The following TMEM71 variants were observed in gnomAD, a reference collection of about 807,000 sequenced individuals.
TMEM71 encodes the protein transmembrane protein 71.
TMEM71 carries 44 observed loss-of-function variants against 38.0 expected under a neutral mutation model. The ratio of observed to expected loss-of-function variants is 1.16; its 90% CI spans 0.91 to 1.49. The LOEUF (loss-of-function observed/expected upper bound fraction) is 1.49, where lower values mean the gene tolerates loss of function less well. Ranked by LOEUF, TMEM71 falls within the 40% of genes most tolerant of loss-of-function variation. TMEM71 has a pLI of 0.00. For synonymous variants in TMEM71, 133 were observed against 122.5 expected (o/e 1.09, Z -0.56); for missense variants, 367 against 348.6 (o/e 1.05, Z -0.42).
downstream of TMEM71, among the ~76,000 whole-genome samples, chr8:132,706,386 A>G (rs1826094991): frequency 6.6e-6 from 1 of 152,108 alleles, no homozygotes; most frequent in African/African-American, 2.4e-5. Context: ...CATATTTTAA[A>G]ACATCTGTAC....
rs778167869 is a variant in TMEM71, at chr8:132,747,131, G to T, written c.315-17C>A. The T allele has an allele frequency of 6.4e-7, 1 of 1,569,710 alleles. No homozygotes were observed. The highest frequency in any genetic ancestry group is 8.6e-7 in the Non-Finnish European group (1 of 1,159,350). Reference sequence around the variant, plus strand: ...CTAAATATCCTAGAGAGAAATGAAAGCATGGTGAACAACGAATAATAGTTA... The same window carrying T: ...CTAAATATCCTAGAGAGAAATGAAATCATGGTGAACAACGAATAATAGTTA... On this transcript the variant is annotated splice_polypyrimidine_tract_variant and intron_variant, in intron 4 of 9. Transcript: ENST00000677595.
chr8:132,773,547 T>C, the TMEM71 span, among the ~76,000 whole-genome samples: 14 of 152,200 alleles, frequency 9.2e-5, no homozygotes, highest in Non-Finnish European at 5.9e-5. Context: ...TAATAATAGA[T>C]ATTTATTTTT....
chr8:132,754,489 C>T (rs1828896736), intron 3 of TMEM71, among the ~76,000 whole-genome samples: 1 of 152,176 alleles, frequency 6.6e-6, no homozygotes, highest in South Asian at 2.1e-4. Context: ...ATTATTCTCT[C>T]CAAGGTTTAG....
At chr8:132,772,555 C>T in the TMEM71 span, among the ~76,000 whole-genome samples, 7 of 152,168 alleles carry the variant, frequency 4.6e-5, no homozygotes, top group Non-Finnish European at 8.8e-5. Context: ...GAAATGACAT[C>T]CTACCTGAAT....
intron 5 of TMEM71, among the ~76,000 whole-genome samples, chr8:132,732,460 G>T (rs565948844): frequency 6.6e-6 from 1 of 152,146 alleles, no homozygotes; most frequent in Non-Finnish European, 1.5e-5. Context: ...TGTGCATGAG[G>T]TCAGTCCCAG....
chr8:132,710,907 T>C lies in TMEM71; in HGVS notation c.*60A>G, dbSNP rs753333278. 7 of 1,534,878 alleles carry C rather than the reference T, an allele frequency of 4.6e-6. No homozygotes were observed. Among genetic ancestry groups the C allele is most frequent in the Admixed American group, 1.7e-5 (1 of 59,336 alleles). ...CACTTGATTCCAAGTAGACTGCAAG[T>C]TGGACAATTTCCAGATATTCAGATG... On this transcript the variant is annotated 3_prime_UTR_variant, in exon 10 of 10. Coordinates refer to ENST00000677595, the MANE Select transcript of TMEM71 (RefSeq NM_001382403.1).
chr8:132,773,000 G>A, the TMEM71 span, among the ~76,000 whole-genome samples: 1 of 152,190 alleles, frequency 6.6e-6, no homozygotes, highest in Non-Finnish European at 1.5e-5. Context: ...CTTCATTCCT[G>A]TAAAATTTAA....
chr8:132,757,843 A>AT (rs1829116162), intron 2 of TMEM71: 1 of 152,084 alleles, frequency 6.6e-6, no homozygotes, highest in African/African-American at 2.4e-5. Flanking sequence ...AAAAAAAAAA[A>AT]AAAATTTCTT....
chr8:132,723,374 G>A (rs573189402), intron 6 of TMEM71, among the ~76,000 whole-genome samples: 13 of 151,470 alleles, frequency 8.6e-5, no homozygotes, highest in African/African-American at 3.2e-4. Context: ...AAGGATGAAT[G>A]GGTTTAGATT....
rs957141201 is a variant in TMEM71 at position 132,748,560 on chromosome 8, A to T, written c.315-1446T>A. 3.3e-5 allele frequency among the ~76,000 whole-genome samples: 5 copies of T among 152,390 alleles called. No individual in the cohort carries two copies. In the East Asian group the frequency reaches 9.6e-4, roughly 29 times the overall value. On this transcript the variant is annotated intron_variant, in intron 4 of 9. Coordinates refer to ENST00000677595, the MANE Select transcript of TMEM71 (RefSeq NM_001382403.1). The stretch of plus-strand genomic sequence containing the variant: ...CAAGTTGAGAAAAATGGTAGAGTTC[A>T]TGACAATGGAACACATTCTTGTGAA...
At chr8:132,762,666 G>A (rs1333254579), upstream of TMEM71, among the ~76,000 whole-genome samples, 2 of 152,182 alleles carry the variant, frequency 1.3e-5, no homozygotes, top group Non-Finnish European at 2.9e-5. Context: ...TTACAGAAGA[G>A]CAAACTGAGT....
chr8:132,735,099 C>T (rs1254246370), intron 5 of TMEM71, among the ~76,000 whole-genome samples: 1 of 152,204 alleles, frequency 6.6e-6, no homozygotes, highest in Non-Finnish European at 1.5e-5. Context: ...CCATCCTGTT[C>T]AGTCCTCCCT....
At chr8:132,754,801 C>T (rs1400344298) in intron 3 of TMEM71, among the ~76,000 whole-genome samples, 3 of 152,058 alleles carry the variant, frequency 2.0e-5, no homozygotes, top group Non-Finnish European at 1.5e-5. Context: ...GTCCTCAATC[C>T]AAATCATTGA....
intron 5 of TMEM71, among the ~76,000 whole-genome samples, chr8:132,743,293 T>G (rs1828151338): frequency 6.6e-6 from 1 of 152,090 alleles, no homozygotes; most frequent in Non-Finnish European, 1.5e-5. Flanking sequence ...AGGCCATTCC[T>G]TTATTTCCTT....
chr8:132,771,425 C>A, the TMEM71 span, among the ~76,000 whole-genome samples: 1 of 152,038 alleles, frequency 6.6e-6, no homozygotes, highest in Non-Finnish European at 1.5e-5. Flanking sequence ...TATTTTATGA[C>A]CCTTAGTAGC....
chr8:132,775,719 T>A, the TMEM71 span: 1 of 301,786 alleles, frequency 3.3e-6, no homozygotes, highest in Non-Finnish European at 6.0e-6. Flanking sequence ...CCCATTCTGG[T>A]GTCTCTCTTT....
intron 5 of TMEM71, among the ~76,000 whole-genome samples, chr8:132,744,846 A>C (rs940176394): frequency 1.3e-5 from 2 of 152,218 alleles, no homozygotes; most frequent in Non-Finnish European, 2.9e-5. Flanking sequence ...AGACCCACGA[A>C]ATGGAATAGA....
Position 132,710,913 on chromosome 8 carries a change from A to C in TMEM71, c.*54T>G, listed in dbSNP as rs1284700909. 6.4e-7 allele frequency: 1 copy of C among 1,570,240 alleles called. No homozygotes were observed. Among genetic ancestry groups the C allele is most frequent in the Non-Finnish European group, 8.8e-7 (1 of 1,141,562 alleles). On this transcript the variant is annotated 3_prime_UTR_variant, in exon 10 of 10. Transcript: ENST00000677595. ...ATTCCAAGTAGACTGCAAGTTGGAC[A>C]ATTTCCAGATATTCAGATGGAGGAC...
chr8:132,738,970 G>C (rs1371329418), intron 5 of TMEM71, among the ~76,000 whole-genome samples: 2 of 152,006 alleles, frequency 1.3e-5, no homozygotes, highest in African/African-American at 2.4e-5. Flanking sequence ...TGTATAAGTA[G>C]TTATCAGTGG....
Sources: gnomAD v4.1 joint callset for allele counts (sites outside exome capture counted in the v4.1 genomes callset) on GRCh38, gnomAD v4.1.1 for gene constraint, MANE v1.5 for transcripts, NCBI Gene and HGNC (gene_info 2026-07-23, HGNC 2026-07-21) for gene names.